The following ACAP2 variants were observed in gnomAD, a reference collection of about 807,000 sequenced individuals.
ACAP2 encodes the protein arf-GAP with coiled-coil, ANK repeat and PH domain-containing protein 2.
Under a neutral mutation model 115.8 loss-of-function variants are expected in ACAP2, and 39 were observed. The ratio of observed to expected loss-of-function variants is 0.34; its 90% CI spans 0.26 to 0.44. The LOEUF is 0.44. ACAP2 is among the 20% of genes least tolerant of loss of function. The pLI, the probability that ACAP2 is intolerant of heterozygous loss-of-function variation, is 1.00. For synonymous variants in ACAP2, 289 were observed against 315.8 expected (o/e 0.92, Z 0.90); for missense variants, 662 against 927.6 (o/e 0.71, Z 3.72).
chr3:195,310,586 G>C (rs60040536), intron 10 of ACAP2, among the ~76,000 whole-genome samples: 8,869 of 152,236 alleles, frequency 0.058, 479 homozygotes, highest in African/African-American at 0.13. Context: ...TGAAAGCTAC[G>C]AAGAGTTTTA....
At chr3:195,289,353 C>A in intron 20 of ACAP2, 122 bp from the exon 21 acceptor site, 1 of 697,070 alleles carries the variant, frequency 1.4e-6, no homozygotes, top group Non-Finnish European at 2.5e-6. Flanking sequence ...ATTCATTCTA[C>A]AAATATTAAC....
chr3:195,365,841 A>ATT (rs59855378), intron 4 of ACAP2, among the ~76,000 whole-genome samples: 3,221 of 138,228 alleles, frequency 0.023, 123 homozygotes, highest in African/African-American at 0.077. Flanking sequence ...GCCTATAGTA[A>ATT]TTTTTTTTTT....
At chr3:195,415,001 C>T (rs1560346731) in intron 1 of ACAP2, among the ~76,000 whole-genome samples, 1 of 152,034 alleles carries the variant, frequency 6.6e-6, no homozygotes, top group Non-Finnish European at 1.5e-5. Flanking sequence ...ATCAGTAAAG[C>T]CCAGAGAATT....
At chr3:195,347,406 A>G (rs943882543) in intron 4 of ACAP2, among the ~76,000 whole-genome samples, 2 of 152,158 alleles carry the variant, frequency 1.3e-5, no homozygotes, top group East Asian at 3.9e-4. Flanking sequence ...ACCGATCTCA[A>G]AAATGTTATT....
At chr3:195,393,146 G>C (rs1353089825) in intron 1 of ACAP2, among the ~76,000 whole-genome samples, 3 of 152,052 alleles carry the variant, frequency 2.0e-5, no homozygotes, top group African/African-American at 7.2e-5. Context: ...GAGCAGCCTA[G>C]GAAACACAGG....
At chr3:195,396,554 G>GAGAC in intron 1 of ACAP2, among the ~76,000 whole-genome samples, 1 of 152,068 alleles carries the variant, frequency 6.6e-6, no homozygotes, top group East Asian at 1.9e-4. Context: ...TTGGGAGGCT[G>GAGAC]AGACAGGCAG....
intron 4 of ACAP2, among the ~76,000 whole-genome samples, chr3:195,355,109 G>C (rs1238253287): frequency 2.0e-5 from 3 of 152,046 alleles, no homozygotes; most frequent in Non-Finnish European, 2.9e-5. Context: ...GCCTCCCAAA[G>C]TGCTGGGATT....
chr3:195,384,157 C>T (rs182311302), intron 2 of ACAP2, among the ~76,000 whole-genome samples: 3 of 152,190 alleles, frequency 2.0e-5, no homozygotes, highest in Admixed American at 2.0e-4. Flanking sequence ...ACAGATAGGC[C>T]ATATGACACA....
chr3:195,378,256 G>A (rs948278894), intron 4 of ACAP2, among the ~76,000 whole-genome samples: 1 of 152,188 alleles, frequency 6.6e-6, no homozygotes, highest in African/African-American at 2.4e-5. Flanking sequence ...ACTTTGGGAG[G>A]CCAAGGCAGG....
intron 10 of ACAP2, among the ~76,000 whole-genome samples, chr3:195,315,084 A>T (rs1490046784): frequency 6.6e-6 from 1 of 152,220 alleles, no homozygotes; most frequent in Non-Finnish European, 1.5e-5. Context: ...CACAATGCAG[A>T]GGCTCACTGC....
At chr3:195,425,472 T>C (rs1714615349) in intron 1 of ACAP2, among the ~76,000 whole-genome samples, 1 of 152,212 alleles carries the variant, frequency 6.6e-6, no homozygotes, top group Non-Finnish European at 1.5e-5. Flanking sequence ...ATCTACTGTG[T>C]GCAAGAAATC....
At chr3:195,322,339 T>C (rs909646193) in intron 9 of ACAP2, among the ~76,000 whole-genome samples, 5 of 152,126 alleles carry the variant, frequency 3.3e-5, no homozygotes, top group Non-Finnish European at 5.9e-5. Flanking sequence ...GGGAAACATT[T>C]TGGCAGTATC....
intron 10 of ACAP2, among the ~76,000 whole-genome samples, chr3:195,316,640 A>C (rs1577288739): frequency 6.6e-6 from 1 of 151,428 alleles, no homozygotes; most frequent in South Asian, 2.1e-4. Context: ...CTCAAGTGAT[A>C]CACCCACCTC....
intron 1 of ACAP2, among the ~76,000 whole-genome samples, chr3:195,434,467 C>A (rs1715379434): frequency 6.6e-6 from 1 of 152,138 alleles, no homozygotes; most frequent in Admixed American, 6.5e-5. Context: ...AACCCCTGGG[C>A]TCAGGCAATC....
chr3:195,384,095 C>T (rs1361165387), intron 2 of ACAP2, among the ~76,000 whole-genome samples: 1 of 152,148 alleles, frequency 6.6e-6, no homozygotes, highest in Non-Finnish European at 1.5e-5. Context: ...AACATACATA[C>T]CTTCTAACTT....
intron 16 of ACAP2, among the ~76,000 whole-genome samples, chr3:195,296,502 G>A (rs1299917983): frequency 1.3e-5 from 2 of 152,086 alleles, no homozygotes; most frequent in African/African-American, 4.8e-5. Flanking sequence ...ACTCAGTCTT[G>A]TTTTAGTAAA....
intron 1 of ACAP2, among the ~76,000 whole-genome samples, chr3:195,435,779 G>A (rs1715488228): frequency 1.3e-5 from 2 of 152,074 alleles, no homozygotes; most frequent in Admixed American, 6.6e-5. Flanking sequence ...CATACTCTAT[G>A]CTGGAGGATA....
chr3:195,333,784 C>CA (rs1445017712), intron 7 of ACAP2, among the ~76,000 whole-genome samples: 2 of 151,882 alleles, frequency 1.3e-5, no homozygotes, highest in Non-Finnish European at 2.9e-5. Flanking sequence ...CTTTAAATTG[C>CA]AAAAAAGACA....
chr3:195,316,694 C>T (rs1265907026), intron 10 of ACAP2, among the ~76,000 whole-genome samples: 1 of 151,990 alleles, frequency 6.6e-6, no homozygotes, highest in Non-Finnish European at 1.5e-5. Context: ...CCACCATGTC[C>T]ACCACATGTA....
Sources: allele counts gnomAD v4.1 joint callset (sites outside exome capture counted in the v4.1 genomes callset), GRCh38; gene constraint gnomAD v4.1.1; transcripts MANE v1.5; gene names NCBI Gene and HGNC (gene_info 2026-07-23, HGNC 2026-07-21).